Variants in MSRB3 observed in about 807,000 individuals in gnomAD.
The protein encoded by MSRB3 is methionine sulfoxide reductase B3, also known as methionine-R-sulfoxide reductase B3.
MSRB3 carries 13 observed loss-of-function variants against 21.0 expected under a neutral mutation model. The observed-to-expected ratio is 0.62, with a 90% CI of 0.40 to 0.98. MSRB3 has a LOEUF of 0.98. MSRB3 is among the 50% of genes least tolerant of loss of function. MSRB3 has a pLI of 0.00. For synonymous variants in MSRB3, 87 were observed against 88.6 expected, an observed-to-expected ratio of 0.98 and a Z score of 0.10; for missense variants, 199 against 230.3, an observed-to-expected ratio of 0.86 and a Z score of 0.88.
chr12:65,387,162 CA>C (rs1472956894), intron 5 of MSRB3, among the ~76,000 whole-genome samples: 1 of 151,860 alleles, frequency 6.6e-6, no homozygotes, highest in Non-Finnish European at 1.5e-5. Flanking sequence ...AGGCAATGAA[CA>C]AGGGGAAATA....
chr12:65,343,466 G>A (rs533408100), intron 4 of MSRB3, among the ~76,000 whole-genome samples: 2 of 151,924 alleles, frequency 1.3e-5, no homozygotes, highest in African/African-American at 2.4e-5. Flanking sequence ...AATGAAGGGC[G>A]GGACACCAAA....
At chr12:65,364,712 C>T (rs771923599) in intron 4 of MSRB3, among the ~76,000 whole-genome samples, 2 of 152,054 alleles carry the variant, frequency 1.3e-5, no homozygotes, top group Non-Finnish European at 2.9e-5. Flanking sequence ...ATTTAAGAGT[C>T]GAGGTGATCA....
chr12:65,455,244 T>TA (rs67490305), intron 6 of MSRB3, among the ~76,000 whole-genome samples: 3,377 of 140,564 alleles, frequency 0.024, 47 homozygotes, highest in Non-Finnish European at 0.028. Flanking sequence ...TTGTTTTTAT[T>TA]AAAAAAAAAA....
At chr12:65,302,345 C>G (rs1487363168) in intron 1 of MSRB3, among the ~76,000 whole-genome samples, 1 of 152,098 alleles carries the variant, frequency 6.6e-6, no homozygotes, top group Non-Finnish European at 1.5e-5. Flanking sequence ...CTGCCACTCC[C>G]TCTCCTAAAG....
At chr12:65,282,826 C>T (rs1380832038) in intron 1 of MSRB3, among the ~76,000 whole-genome samples, 1 of 152,138 alleles carries the variant, frequency 6.6e-6, no homozygotes, top group Non-Finnish European at 1.5e-5. Flanking sequence ...GTTTAGGTCA[C>T]ATGGTTGACC....
chr12:65,352,265 C>T (rs1048077058), intron 4 of MSRB3, among the ~76,000 whole-genome samples: 5 of 150,714 alleles, frequency 3.3e-5, no homozygotes, highest in Admixed American at 1.3e-4. Flanking sequence ...ATTCAACAAC[C>T]CTTCATGCTA....
intron 4 of MSRB3, among the ~76,000 whole-genome samples, chr12:65,344,868 GAACCATACATTCC>G (rs1455402379): frequency 6.6e-6 from 1 of 152,030 alleles, no homozygotes; most frequent in Non-Finnish European, 1.5e-5. Context: ...CTGTCCATTA[GAACCATACATTCC>G]AAGTCTCTCC....
At position 65,466,576 on chromosome 12, in the gene MSRB3, C is replaced by T. The variant is rs1883584153; in HGVS notation, c.*3254C>T. ...TCAAGCAGAATGGATCTGAAGAAAG[C>T]AGCAATATCTGTTACTAGAGAACAT... On this transcript the variant is annotated 3_prime_UTR_variant, in exon 7 of 7. Coordinates refer to ENST00000308259, the MANE Select transcript of MSRB3 (RefSeq NM_001031679.3). 1 of 152,184 alleles carries T rather than the reference C, an allele frequency of 6.6e-6. No homozygotes were observed. The highest frequency in any genetic ancestry group is 6.5e-5 in the Admixed American group (1 of 15,278). The allele number at this position is 152,184 out of a possible 1,614,324, so 9.4% of individuals were successfully genotyped here.
chr12:65,351,176 C>G (rs1327147348), intron 4 of MSRB3, among the ~76,000 whole-genome samples: 1 of 151,410 alleles, frequency 6.6e-6, no homozygotes, highest in Non-Finnish European at 1.5e-5. Context: ...AACCACTCAA[C>G]TACATGGAAA....
intron 5 of MSRB3, among the ~76,000 whole-genome samples, chr12:65,383,555 T>A (rs1879050909): frequency 6.6e-6 from 1 of 152,184 alleles, no homozygotes; most frequent in Non-Finnish European, 1.5e-5. Context: ...GTTCACAGTA[T>A]TTTAGTATTT....
chr12:65,318,546 C>T (rs1962479882), intron 2 of MSRB3, among the ~76,000 whole-genome samples: 2 of 151,622 alleles, frequency 1.3e-5, no homozygotes, highest in South Asian at 4.2e-4. Flanking sequence ...AAGACCCATA[C>T]TGGAAAAAAA....
At position 65,393,061 on chromosome 12, in the gene MSRB3, T is replaced by C. The variant is rs1177757771; in HGVS notation, c.292+24035T>C. Among the ~76,000 whole-genome samples the C allele has an allele frequency of 2.0e-5, 3 of 152,308 alleles. No individual in the cohort carries two copies. The East Asian group carries it at 5.8e-4, about 29-fold the overall frequency. On this transcript the variant is annotated intron_variant, in intron 5 of 6. Coordinates refer to ENST00000308259, the MANE Select transcript of MSRB3 (RefSeq NM_001031679.3). ...AAAAATTCTTTAGTGTTATGTCTTG[T>C]GAATTATTCCTTTCTATTAAAAATA... is the stretch of plus-strand genomic sequence containing the variant.
At chr12:65,295,680 G>C (rs575902663) in intron 1 of MSRB3, among the ~76,000 whole-genome samples, 3 of 151,998 alleles carry the variant, frequency 2.0e-5, no homozygotes, top group Non-Finnish European at 4.4e-5. Context: ...TAATTAATAG[G>C]AGGATTACAA....
At position 65,330,151 on chromosome 12, in the gene MSRB3, AAGT is replaced by A. The variant is rs574609121; in HGVS notation, c.263+1550_263+1552del. On this transcript the variant is annotated intron_variant, in intron 4 of 6. Transcript: ENST00000308259. Reference sequence around the variant, plus strand: ...CCCTTCCCTACCATGTGATTCACTAAAGTATGGGATCTAAAGAAAACTTACTGT... The same window carrying A: ...CCCTTCCCTACCATGTGATTCACTAAATGGGATCTAAAGAAAACTTACTGT... 9.1e-4 allele frequency among the ~76,000 whole-genome samples: 139 copies of A among 152,324 alleles called. 1 individual carries two copies. Among genetic ancestry groups the A allele is most frequent in the African/African-American group, 3.2e-3 (134 of 41,576 alleles).
chr12:65,372,400 T>G (rs1462972525), intron 5 of MSRB3, among the ~76,000 whole-genome samples: 1 of 152,246 alleles, frequency 6.6e-6, no homozygotes, highest in Non-Finnish European at 1.5e-5. Flanking sequence ...AAAAACCTTT[T>G]CTGTTGATTT....
chr12:65,415,946 A>C (rs1030145961), intron 5 of MSRB3, among the ~76,000 whole-genome samples: 13 of 152,224 alleles, frequency 8.5e-5, no homozygotes, highest in African/African-American at 3.1e-4. Flanking sequence ...CCTGGCCACC[A>C]GATCAAAGTC....
At chr12:65,390,504 C>A (rs1020119947) in intron 5 of MSRB3, among the ~76,000 whole-genome samples, 1 of 152,084 alleles carries the variant, frequency 6.6e-6, no homozygotes, top group Admixed American at 6.5e-5. Flanking sequence ...AATATTTACT[C>A]AAAAATTAGG....
chr12:65,325,307 A>G (rs1479661173), intron 2 of MSRB3, among the ~76,000 whole-genome samples: 1 of 152,188 alleles, frequency 6.6e-6, no homozygotes, highest in Non-Finnish European at 1.5e-5. Flanking sequence ...GTGAGATGAG[A>G]GATCAACATG....
chr12:65,364,351 A>T (rs1315221281), intron 4 of MSRB3, among the ~76,000 whole-genome samples: 6 of 152,274 alleles, frequency 3.9e-5, no homozygotes, highest in African/African-American at 1.4e-4. Context: ...AAGGGGGAGG[A>T]TGAATATTGG....
Sources: gnomAD v4.1 joint callset for allele counts (sites outside exome capture counted in the v4.1 genomes callset) on GRCh38, gnomAD v4.1.1 for gene constraint, MANE v1.5 for transcripts, NCBI Gene and HGNC (gene_info 2026-07-23, HGNC 2026-07-21) for gene names.